The following TMOD3 variants were observed in gnomAD, a reference collection of about 807,000 sequenced individuals.
TMOD3 encodes the protein tropomodulin 3.
TMOD3 carries 20 observed loss-of-function variants against 39.2 expected under a neutral mutation model. The observed-to-expected ratio is 0.51, with a 90% CI of 0.36 to 0.74. The LOEUF is 0.74. Ranked by LOEUF, TMOD3 falls within the 30% of genes least tolerant of loss-of-function variation. The pLI, the probability that TMOD3 is intolerant of heterozygous loss-of-function variation, is 0.00. For synonymous variants in TMOD3, 143 were observed against 145.8 expected (o/e 0.98, Z 0.14); for missense variants, 381 against 412.8 (o/e 0.92, Z 0.67).
At position 51,910,654 on chromosome 15, in the gene TMOD3, T is replaced by C. The variant is rs1350914253; in HGVS notation, c.*1844T>C. The stretch of plus-strand genomic sequence containing the variant: ...ACTTTGGCTTGGGCTGGACAGTTTA[T>C]CTAATAAGCAAGGCAGCTTCTTGTG... On this transcript the variant is annotated 3_prime_UTR_variant, in exon 10 of 10. Coordinates refer to ENST00000308580, the MANE Select transcript of TMOD3 (RefSeq NM_014547.5). The C allele has an allele frequency of 6.6e-6, 1 of 152,226 alleles. No homozygotes were observed. The highest frequency in any genetic ancestry group is 1.5e-5 in the Non-Finnish European group (1 of 68,062). 9.4% of individuals were successfully genotyped at this position (152,226 alleles called of 1,614,324 possible). A position where few individuals can be genotyped will look rare whatever the true frequency, so the allele number is the denominator to read the frequency against.
At chr15:51,860,521 A>G in intron 1 of TMOD3, 1 of 576,132 alleles carries the variant, frequency 1.7e-6, no homozygotes, top group Non-Finnish European at 3.4e-6. Context: ...TCTGAAGACA[A>G]GCAGTCTTCC....
intron 1 of TMOD3, among the ~76,000 whole-genome samples, chr15:51,857,547 A>G (rs1036338975): frequency 6.6e-5 from 10 of 152,168 alleles, no homozygotes; most frequent in Admixed American, 4.6e-4. Context: ...TCTCATTCCT[A>G]TCGTATTGCC....
At chr15:51,896,815 T>C (rs993325899) in intron 7 of TMOD3, among the ~76,000 whole-genome samples, 14 of 152,248 alleles carry the variant, frequency 9.2e-5, no homozygotes, top group African/African-American at 3.4e-4. Context: ...AGTTTATCTT[T>C]AAAGTTTTGT....
At chr15:51,849,774 T>C (rs1363214721) in intron 1 of TMOD3, among the ~76,000 whole-genome samples, 3 of 151,462 alleles carry the variant, frequency 2.0e-5, no homozygotes, top group Non-Finnish European at 4.4e-5. Flanking sequence ...CTTCCAAAAA[T>C]ACAAAAAAAA....
chr15:51,880,311 T>A, intron 3 of TMOD3, among the ~76,000 whole-genome samples: 1 of 152,238 alleles, frequency 6.6e-6, no homozygotes, highest in East Asian at 1.9e-4. Context: ...GTGGTTTTTG[T>A]AAACATCTTT....
At chr15:51,869,130 T>C in intron 2 of TMOD3, 87 bp from the exon 3 acceptor site, 1 of 1,440,138 alleles carries the variant, frequency 6.9e-7, no homozygotes, top group Non-Finnish European at 9.5e-7. Flanking sequence ...TTCCAGTCTG[T>C]AATTCTTTTT....
rs187338732 is a variant in TMOD3 at position 51,903,075 on chromosome 15, C to T, written c.1024+1039C>T. On this transcript the variant is annotated intron_variant, in intron 9 of 9. Transcript: ENST00000308580. The stretch of plus-strand genomic sequence containing the variant: ...CTGGGATTACAGGCGTGAGCCACCG[C>T]ACCTGGGCCCTCACCCAGGTTTTAT... 1.8e-3 allele frequency among the ~76,000 whole-genome samples: 281 copies of T among 152,308 alleles called. 1 individual carries two copies. The highest frequency in any genetic ancestry group is 1.5e-3 in the Non-Finnish European group (105 of 68,026).
At chr15:51,864,264 CAAAA>C (rs33983902) in intron 2 of TMOD3, among the ~76,000 whole-genome samples, 1 of 104,016 alleles carries the variant, frequency 9.6e-6, no homozygotes, top group Non-Finnish European at 1.9e-5. Flanking sequence ...AGACTTATCT[CAAAA>C]AAAAAAAAAA....
intron 1 of TMOD3, among the ~76,000 whole-genome samples, chr15:51,842,434 G>A (rs2056316819): frequency 6.6e-6 from 1 of 152,124 alleles, no homozygotes; most frequent in Admixed American, 6.5e-5. Context: ...TGCTGTCTGT[G>A]GTGTGTAAGT....
chr15:51,886,214 C>T (rs999167786), intron 3 of TMOD3, among the ~76,000 whole-genome samples: 77 of 151,700 alleles, frequency 5.1e-4, no homozygotes, highest in Non-Finnish European at 7.1e-4. Flanking sequence ...CTCCTCACAT[C>T]CCAGACGATG....
chr15:51,872,123 G>T (rs1280241171), intron 3 of TMOD3, among the ~76,000 whole-genome samples: 1 of 152,204 alleles, frequency 6.6e-6, no homozygotes. Flanking sequence ...GCCGGACGCG[G>T]TAGCTCAACG....
chr15:51,889,033 A>C, intron 4 of TMOD3, 23 bp from the exon 5 acceptor site: 1 of 1,484,574 alleles, frequency 6.7e-7, no homozygotes, highest in Non-Finnish European at 9.2e-7. Flanking sequence ...AACAATAAAA[A>C]CTTTCTTTTT....
At position 51,908,794 on chromosome 15, in the gene TMOD3, AAGG is replaced by A; in HGVS notation, c.1046_1048del (p.Gly349del). 6.2e-7 allele frequency: 1 copy of A among 1,608,530 alleles called. No individual in the cohort carries two copies. The highest frequency in any genetic ancestry group is 8.5e-7 in the Non-Finnish European group (1 of 1,177,800). The stretch of plus-strand genomic sequence containing the variant: ...CTCATAGTGCGTAAGAGACGAGTTG[AAGG>A]AGATCACCAGTAAGTCTGCAAAGGT... On this transcript the variant is annotated inframe_deletion, in exon 10 of 10. Transcript: ENST00000308580.
chr15:51,879,379 GTTTATT>G (rs1468890370), intron 3 of TMOD3, among the ~76,000 whole-genome samples: 1 of 150,702 alleles, frequency 6.6e-6, no homozygotes, highest in Non-Finnish European at 1.5e-5. Context: ...TCTCATCATT[GTTTATT>G]TTTATAGTTT....
At chr15:51,863,748 T>A (rs554683867) in intron 2 of TMOD3, among the ~76,000 whole-genome samples, 2 of 152,334 alleles carry the variant, frequency 1.3e-5, no homozygotes, top group East Asian at 1.9e-4. Context: ...ATTTTAAGTA[T>A]CCTCTAAGGA....
At chr15:51,874,494 G>A (rs538694161) in intron 3 of TMOD3, among the ~76,000 whole-genome samples, 2 of 152,180 alleles carry the variant, frequency 1.3e-5, no homozygotes, top group Non-Finnish European at 2.9e-5. Context: ...AGGAGTGAAA[G>A]AGAGTATTCA....
chr15:51,875,907 C>A (rs751359157), intron 3 of TMOD3, among the ~76,000 whole-genome samples: 2 of 151,974 alleles, frequency 1.3e-5, no homozygotes, highest in Non-Finnish European at 2.9e-5. Context: ...TGTGAGCCAC[C>A]GTGCCCGGCC....
intron 1 of TMOD3, among the ~76,000 whole-genome samples, chr15:51,844,083 C>G (rs1435285627): frequency 6.6e-6 from 1 of 151,948 alleles, no homozygotes; most frequent in Non-Finnish European, 1.5e-5. Flanking sequence ...TTGAATTGTC[C>G]TTTAAATTAA....
intron 3 of TMOD3, among the ~76,000 whole-genome samples, chr15:51,880,910 T>A (rs2141696069): frequency 6.6e-6 from 1 of 152,336 alleles, no homozygotes; most frequent in South Asian, 2.1e-4. Context: ...TTTTCCAAAG[T>A]GGCTGCGGTA....
Sources: allele counts gnomAD v4.1 joint callset (sites outside exome capture counted in the v4.1 genomes callset), GRCh38; gene constraint gnomAD v4.1.1; transcripts MANE v1.5; gene names NCBI Gene and HGNC (gene_info 2026-07-23, HGNC 2026-07-21).